Variants in CDK8 observed in about 807,000 individuals in gnomAD.
CDK8 encodes the protein cyclin dependent kinase 8.
A neutral mutation model predicts 71.5 loss-of-function variants in CDK8; 29 were observed. The observed-to-expected ratio is 0.41, with a 90% CI of 0.30 to 0.55. The LOEUF is 0.55. CDK8 is among the 20% of genes least tolerant of loss of function. The pLI is 0.37. For missense variants in CDK8, 288 were observed against 572.6 expected (o/e 0.50, Z 5.07); for synonymous variants, 161 against 192.1 (o/e 0.84, Z 1.34).
intron 1 of CDK8, among the ~76,000 whole-genome samples, chr13:26,255,181 AAGGCTGTGATCCTTTCCCCCACC>A (rs1294007837): frequency 2.0e-5 from 3 of 151,966 alleles, no homozygotes; most frequent in African/African-American, 7.3e-5. Flanking sequence ...GTCTAGAAGG[AAGGCTGTGATCCTTTCCCCCACC>A]AGTTTGTGAT....
At chr13:26,265,626 A>G (rs970895005) in intron 1 of CDK8, among the ~76,000 whole-genome samples, 1 of 152,140 alleles carries the variant, frequency 6.6e-6, no homozygotes, top group South Asian at 2.1e-4. Context: ...GAGCTTGTGT[A>G]TTATGGGGGG....
intron 4 of CDK8, among the ~76,000 whole-genome samples, chr13:26,365,499 A>G (rs1198902408): frequency 6.6e-6 from 1 of 152,182 alleles, no homozygotes; most frequent in African/African-American, 2.4e-5. Flanking sequence ...GTTGATAAAA[A>G]TATTATGTCG....
intron 1 of CDK8, among the ~76,000 whole-genome samples, chr13:26,300,638 A>G (rs1873781058): frequency 6.6e-6 from 1 of 152,202 alleles, no homozygotes; most frequent in South Asian, 2.1e-4. Context: ...TTTTCAGACC[A>G]ACAAAAGGTC....
chr13:26,284,951 A>AAAT (rs1872933313), intron 1 of CDK8, among the ~76,000 whole-genome samples: 1 of 152,062 alleles, frequency 6.6e-6, no homozygotes, highest in Admixed American at 6.6e-5. Context: ...TCAAAAAAAA[A>AAAT]AAAAAGTCTG....
In CDK8 at chr13:26,254,451, C is replaced by G; in HGVS notation, c.-191C>G. 1 of 467,872 alleles carries G rather than the reference C, an allele frequency of 2.1e-6. No homozygotes were observed. The highest frequency in any genetic ancestry group is 3.8e-6 in the Non-Finnish European group (1 of 262,390). 29.0% of individuals were successfully genotyped at this position (467,872 alleles called of 1,614,324 possible). A position where few individuals can be genotyped will look rare whatever the true frequency, so the allele number is the denominator to read the frequency against. ...CACCCCCGGCCGGCCTCTGCCCCGC[C>G]GTCCCCCTGGATGTCCCTGGCGCTT... On this transcript the variant is annotated 5_prime_UTR_variant, in exon 1 of 13. Transcript: ENST00000381527. The surrounding 1 kb of genome is among the most constrained non-coding windows in gnomAD (Gnocchi z 6.7).
chr13:26,262,314 C>T (rs1871804493), intron 1 of CDK8, among the ~76,000 whole-genome samples: 1 of 152,130 alleles, frequency 6.6e-6, no homozygotes, highest in African/African-American at 2.4e-5. Context: ...TATAGATTTC[C>T]TTTAGGGCAA....
At chr13:26,399,099 T>A (rs893342010) in intron 9 of CDK8, among the ~76,000 whole-genome samples, 2 of 151,802 alleles carry the variant, frequency 1.3e-5, no homozygotes, top group Non-Finnish European at 2.9e-5. Context: ...AACCTCTGCC[T>A]CCCAGGTTCA....
At chr13:26,330,906 G>A (rs535251680) in intron 1 of CDK8, among the ~76,000 whole-genome samples, 3 of 152,308 alleles carry the variant, frequency 2.0e-5, no homozygotes, top group East Asian at 1.9e-4. Context: ...AAGCATGTGA[G>A]TGCAGGTATC....
intron 4 of CDK8, among the ~76,000 whole-genome samples, chr13:26,374,103 A>T (rs1229726686): frequency 6.6e-6 from 1 of 150,702 alleles, no homozygotes; most frequent in African/African-American, 2.4e-5. Flanking sequence ...CGAGAGGCTG[A>T]GGCAGGAGAA....
At position 26,404,323 on chromosome 13, in the gene CDK8, A is replaced by G. The variant is rs557403410; in HGVS notation, c.*242A>G. The G allele has an allele frequency of 1.2e-5, 5 of 417,572 alleles. No homozygotes were observed. The highest frequency in any genetic ancestry group is 7.7e-5 in the East Asian group (2 of 25,860). 25.9% of individuals were successfully genotyped at this position (417,572 alleles called of 1,614,324 possible). A position where few individuals can be genotyped will look rare whatever the true frequency, so the allele number is the denominator to read the frequency against. On this transcript the variant is annotated 3_prime_UTR_variant, in exon 13 of 13. Coordinates refer to ENST00000381527, the MANE Select transcript of CDK8 (RefSeq NM_001260.3). ...TTTGTGTTGTGGATTTGCTACTTCC[A>G]TAGTTTACTTGACATGGTTCAGACT...
At chr13:26,325,748 G>A (rs145713361) in intron 1 of CDK8, among the ~76,000 whole-genome samples, 117 of 152,168 alleles carry the variant, frequency 7.7e-4, no homozygotes, top group African/African-American at 2.7e-3. Context: ...GATCTGTTAG[G>A]GAAATAATAA....
At chr13:26,305,021 T>C (rs1873984316) in intron 1 of CDK8, among the ~76,000 whole-genome samples, 1 of 152,168 alleles carries the variant, frequency 6.6e-6, no homozygotes, top group Admixed American at 6.5e-5. Flanking sequence ...ATTATCATTG[T>C]TGTATACAGT....
At chr13:26,384,441 T>G (rs1176124270) in intron 5 of CDK8, among the ~76,000 whole-genome samples, 1 of 152,178 alleles carries the variant, frequency 6.6e-6, no homozygotes, top group East Asian at 1.9e-4. Context: ...CATGATACTA[T>G]TAGGGATAGA....
chr13:26,396,446 T>G (rs576348825), intron 8 of CDK8, 92 bp downstream of exon 8: 2 of 427,414 alleles, frequency 4.7e-6, no homozygotes, highest in East Asian at 7.3e-5. Context: ...AAATACTCAA[T>G]ATAAGATTAC....
intron 1 of CDK8, among the ~76,000 whole-genome samples, chr13:26,334,954 A>G (rs1270680501): frequency 6.6e-6 from 1 of 152,064 alleles, no homozygotes; most frequent in African/African-American, 2.4e-5. Context: ...TCTTCCTATT[A>G]CGATGGAATA....
At chr13:26,314,948 A>G (rs1387790983) in intron 1 of CDK8, among the ~76,000 whole-genome samples, 1 of 152,022 alleles carries the variant, frequency 6.6e-6, no homozygotes, top group African/African-American at 2.4e-5. Context: ...TATTGCTAGC[A>G]AAGCTCATCA....
intron 1 of CDK8, among the ~76,000 whole-genome samples, chr13:26,319,665 C>G (rs912669959): frequency 3.4e-5 from 5 of 145,102 alleles, no homozygotes; most frequent in African/African-American, 1.3e-4. Context: ...AGTGCAACAA[C>G]TATCAAAATC....
Position 26,337,614 on chromosome 13 carries a change from T to C in CDK8, c.176T>C (p.Ile59Thr). 6.9e-7 allele frequency: 1 copy of C among 1,453,134 alleles called. No individual in the cohort carries two copies. 90.0% of individuals were successfully genotyped at this position (1,453,134 alleles called of 1,614,324 possible). A position where few individuals can be genotyped will look rare whatever the true frequency, so the allele number is the denominator to read the frequency against. Residue 59 changes from isoleucine (I) to threonine (T), a missense_variant, in exon 2 of 13, where the codon ATC becomes ACC. Physicochemically the swap from Ile to Thr is moderately conservative, Grantham distance 89 (BLOSUM62 -1). Coordinates refer to ENST00000381527, the MANE Select transcript of CDK8 (RefSeq NM_001260.3). Reference protein sequence around the residue: ...YALKQIEGTGISMSACREIAL... With the variant: ...YALKQIEGTGTSMSACREIAL... ...TTAAAACAAATAGAAGGAACTGGGA[T>C]CTCTATGTCGGCATGTAGAGAAATA...
At position 26,357,409 on chromosome 13, in the gene CDK8, A is replaced by G. The variant is rs559967941; in HGVS notation, c.456+3529A>G. Among the ~76,000 whole-genome samples the G allele has an allele frequency of 2.0e-5, 3 of 152,344 alleles. No individual in the cohort carries two copies. In the South Asian group the frequency reaches 6.2e-4, roughly 32 times the overall value. ...AGTTTTAGAACATTAAAATATGTATATGTAAGTTGTTGCTTATACACTTGT... is the reference window on the plus strand; with the variant it reads ...AGTTTTAGAACATTAAAATATGTATGTGTAAGTTGTTGCTTATACACTTGT... On this transcript the variant is annotated intron_variant, in intron 4 of 12. Coordinates refer to ENST00000381527, the MANE Select transcript of CDK8 (RefSeq NM_001260.3).
Sources: allele counts gnomAD v4.1 joint callset (sites outside exome capture counted in the v4.1 genomes callset), GRCh38; gene constraint gnomAD v4.1.1; non-coding constraint Gnocchi (gnomAD v3.1); transcripts MANE v1.5; gene names NCBI Gene and HGNC (gene_info 2026-07-23, HGNC 2026-07-21).